The following FAM184A variants were observed in gnomAD, a reference collection of about 807,000 sequenced individuals.
FAM184A encodes the protein protein FAM184A.
In FAM184A, 99 loss-of-function variants were observed where a neutral mutation model predicts 143.8. That is an observed-to-expected ratio of 0.69 (90% CI 0.58 to 0.81). The LOEUF (loss-of-function observed/expected upper bound fraction) is 0.81. Among genes scored for constraint, FAM184A ranks in the 40% least tolerant of loss-of-function variants. FAM184A has a pLI of 0.00. For synonymous variants in FAM184A, 427 were observed against 446.4 expected (o/e 0.96, Z 0.55); for missense variants, 1,217 against 1,310.5 (o/e 0.93, Z 1.10).
At chr6:119,067,635 A>C (rs1787505645) in intron 1 of FAM184A, among the ~76,000 whole-genome samples, 1 of 152,242 alleles carries the variant, frequency 6.6e-6, no homozygotes, top group African/African-American at 2.4e-5. Context: ...ACAAGGTTAT[A>C]CATTGATCAG....
chr6:119,097,836 T>A (rs544549301), intron 1 of FAM184A, among the ~76,000 whole-genome samples: 5 of 152,242 alleles, frequency 3.3e-5, no homozygotes, highest in African/African-American at 1.2e-4. Context: ...CCATAGAAAC[T>A]AAAAATATAC....
Position 119,011,441 on chromosome 6 carries a change from A to T in FAM184A, c.1531-10T>A, listed in dbSNP as rs758185846. Reference sequence around the variant, plus strand: ...GTTGTTCTTCCAAATCCTTAGAAAAAGAAATTTTTTAAAAATTAACAAAAT... The same window carrying T: ...GTTGTTCTTCCAAATCCTTAGAAAATGAAATTTTTTAAAAATTAACAAAAT... On this transcript the variant is annotated splice_polypyrimidine_tract_variant and intron_variant, in intron 5 of 17. Coordinates refer to ENST00000338891, the MANE Select transcript of FAM184A (RefSeq NM_024581.6). 20 of 1,479,530 alleles carry T rather than the reference A, an allele frequency of 1.4e-5. No homozygotes were observed. In the South Asian group the frequency reaches 2.5e-4, roughly 18 times the overall value. The allele number at this position is 1,479,530 out of a possible 1,614,324, so 91.7% of individuals were successfully genotyped here.
In FAM184A at chr6:119,023,970, T is replaced by A; in HGVS notation, c.1003A>T (p.Asn335Tyr). Reference protein sequence around the residue: ...KLQTALAIAENNVQVLQKQLD... With the variant: ...KLQTALAIAEYNVQVLQKQLD... ...TATTCTTTACTTACCTGAACATTGT[T>A]CTCTGCTATGGCAAGTGCCGTCTGA... is the stretch of plus-strand genomic sequence containing the variant. Residue 335 changes from asparagine to tyrosine, a missense_variant, in exon 2 of 18, where the codon AAC (asparagine) becomes TAC (tyrosine). Asn to Tyr is a moderately radical substitution (Grantham distance 143). Coordinates refer to ENST00000338891, the MANE Select transcript of FAM184A (RefSeq NM_024581.6). 3 of 1,578,502 alleles carry A rather than the reference T, an allele frequency of 1.9e-6. No homozygotes were observed. Among genetic ancestry groups the A allele is most frequent in the Non-Finnish European group, 1.7e-6 (2 of 1,168,916 alleles).
chr6:119,108,970 T>G (rs1562153779), intron 1 of FAM184A, among the ~76,000 whole-genome samples: 3 of 151,964 alleles, frequency 2.0e-5, no homozygotes, highest in Admixed American at 1.3e-4. Flanking sequence ...CCAAAACAAG[T>G]CTTCCTTTCA....
intron 1 of FAM184A, among the ~76,000 whole-genome samples, chr6:119,088,802 C>T (rs1014032742): frequency 6.6e-6 from 1 of 152,172 alleles, no homozygotes; most frequent in Non-Finnish European, 1.5e-5. Context: ...AATAATCATA[C>T]TAGCTTTTTG....
chr6:118,977,918 T>A (rs1476777078), intron 11 of FAM184A, among the ~76,000 whole-genome samples: 1 of 152,240 alleles, frequency 6.6e-6, no homozygotes, highest in Admixed American at 6.5e-5. Flanking sequence ...AAAGTTTTTT[T>A]AAAGACCCAA....
Position 119,003,613 on chromosome 6 carries a change from C to G in FAM184A, c.1825G>C (p.Glu609Gln). 1 of 1,608,712 alleles carries G rather than the reference C, an allele frequency of 6.2e-7. No individual in the cohort carries two copies. Among genetic ancestry groups the G allele is most frequent in the African/African-American group, 1.3e-5 (1 of 74,782 alleles). ...TCTTCATGCTGTTGCCTTTCTTGTT[C>G]TAGCTCACCCTGAAGAATAAAAACT... Reference protein sequence around the residue: ...DALLNVEGELEQERQQHEETI... With the variant: ...DALLNVEGELQQERQQHEETI... The change falls in exon 8 of 18, where the codon GAA (glutamate) becomes CAA (glutamine). Residue 609 changes from glutamate to glutamine, a missense_variant. Transcript: ENST00000338891.
At chr6:119,085,539 C>T (rs192792784) in intron 1 of FAM184A, among the ~76,000 whole-genome samples, 119 of 152,260 alleles carry the variant, frequency 7.8e-4, no homozygotes, top group African/African-American at 2.6e-3. Context: ...AAGTTCCAAA[C>T]TTTCCTTCAT....
intron 1 of FAM184A, among the ~76,000 whole-genome samples, chr6:119,061,531 C>CTTTTTTTTTTTTTTTTTTT (rs977029986): frequency 5.1e-5 from 3 of 58,558 alleles, no homozygotes; most frequent in South Asian, 7.0e-4. Context: ...AATTATTTTT[C>CTTTTTTTTTTTTTTTTTTT]TTTTTTTTTT....
chr6:119,137,316 G>C (rs945362866), intron 1 of FAM184A, among the ~76,000 whole-genome samples: 1 of 125,954 alleles, frequency 7.9e-6, no homozygotes, highest in Non-Finnish European at 1.9e-5. Flanking sequence ...CAGATAGAGA[G>C]AGACAGAGAG....
Position 118,961,826 on chromosome 6 carries a change from AAT to A in FAM184A, c.3274_3275del (p.Ile1092Ter), listed in dbSNP as rs1299119699. 1.2e-6 allele frequency: 2 copies of A among 1,613,944 alleles called. No homozygotes were observed. The highest frequency in any genetic ancestry group is 2.2e-5 in the South Asian group (2 of 91,080). ...DPIPNSPVHD[I>X]EFNSSKPLPQ... ...GAAGTGGTTTGCTGCTGTTGAACTC[AAT>A]ATCGTGGACTGGAGAATTAGGAATG... On this transcript the variant is annotated frameshift_variant, in exon 17 of 18. Transcript: ENST00000338891. LOFTEE classifies it high-confidence loss of function.
At chr6:119,028,531 C>A (rs1039404524) in intron 1 of FAM184A, among the ~76,000 whole-genome samples, 9 of 152,116 alleles carry the variant, frequency 5.9e-5, no homozygotes, top group African/African-American at 2.2e-4. Flanking sequence ...CACAGCGGAG[C>A]CTTCATAAAA....
intron 1 of FAM184A, among the ~76,000 whole-genome samples, chr6:119,134,819 G>T (rs1190182927): frequency 6.6e-6 from 1 of 152,156 alleles, no homozygotes; most frequent in Admixed American, 6.5e-5. Context: ...TCTGGGGAGA[G>T]AGAGGTTCCA....
intron 9 of FAM184A, among the ~76,000 whole-genome samples, chr6:118,999,669 A>T (rs794265): frequency 0.024 from 3,633 of 152,036 alleles, 172 homozygotes; most frequent in African/African-American, 0.083. Flanking sequence ...TTGACTTTAT[A>T]CTCCTGACCA....
At chr6:119,041,306 T>A (rs1405150104) in intron 1 of FAM184A, among the ~76,000 whole-genome samples, 1 of 152,106 alleles carries the variant, frequency 6.6e-6, no homozygotes, top group Non-Finnish European at 1.5e-5. Context: ...ACTAGCTGGA[T>A]TTCCCAGGCT....
intron 7 of FAM184A, chr6:119,005,706 T>C (rs534789006): frequency 5.8e-6 from 1 of 172,830 alleles, no homozygotes; most frequent in South Asian, 1.7e-4. Context: ...CTTCAGAGCC[T>C]ATACTCTAAA....
At chr6:118,974,932 C>A in intron 13 of FAM184A, 92 bp downstream of exon 13, 1 of 986,760 alleles carries the variant, frequency 1.0e-6, no homozygotes, top group Admixed American at 2.6e-5. Flanking sequence ...GAGAGCCAGT[C>A]TAGTCACAAA....
At chr6:119,037,653 T>A (rs1464102087) in intron 1 of FAM184A, among the ~76,000 whole-genome samples, 1 of 152,184 alleles carries the variant, frequency 6.6e-6, no homozygotes, top group Non-Finnish European at 1.5e-5. Flanking sequence ...AACAGTCACA[T>A]AGGTTAATTG....
At chr6:119,019,857 C>G in intron 4 of FAM184A, 121 bp downstream of exon 4, 1 of 867,386 alleles carries the variant, frequency 1.2e-6, no homozygotes, top group South Asian at 2.4e-5. Flanking sequence ...CCAAAAATAA[C>G]TACTAAAGTA....
Sources: gnomAD v4.1 joint callset for allele counts (sites outside exome capture counted in the v4.1 genomes callset) on GRCh38, gnomAD v4.1.1 for gene constraint, MANE v1.5 for transcripts, NCBI Gene and HGNC (gene_info 2026-07-23, HGNC 2026-07-21) for gene names.